The following HDAC9 variants were observed in gnomAD, a reference collection of about 807,000 sequenced individuals.
HDAC9 encodes MEF-2 interacting transcription repressor (MITR) protein.
A neutral mutation model predicts 139.4 loss-of-function variants in HDAC9; 41 were observed. The observed-to-expected ratio is 0.29, with a 90% CI of 0.23 to 0.38. The LOEUF (loss-of-function observed/expected upper bound fraction) is 0.38. HDAC9 is among the 10% of genes least tolerant of loss of function. The pLI is 1.00. For missense variants in HDAC9, 1,147 were observed against 1,297.0 expected (o/e 0.88, Z 1.78); for synonymous variants, 517 against 476.2 (o/e 1.09, Z -1.12).
At chr7:18,929,279 T>C (rs1804514221) in intron 22 of HDAC9, among the ~76,000 whole-genome samples, 1 of 152,220 alleles carries the variant, frequency 6.6e-6, no homozygotes, top group Non-Finnish European at 1.5e-5. Flanking sequence ...AATTGATAAT[T>C]TGAAACCATT....
intron 6 of HDAC9, among the ~76,000 whole-genome samples, chr7:18,595,050 C>T (rs923244082): frequency 4.6e-5 from 7 of 151,648 alleles, no homozygotes; most frequent in Non-Finnish European, 7.4e-5. Context: ...AAACACATGC[C>T]GAAGCTATTT....
intron 2 of HDAC9, among the ~76,000 whole-genome samples, chr7:18,183,033 G>A (rs1455069218): frequency 2.7e-5 from 4 of 148,284 alleles, no homozygotes; most frequent in African/African-American, 7.5e-5. Context: ...TTTTTGAGAC[G>A]GAGTCTCACT....
At chr7:18,112,807 G>A (rs866966341) in intron 1 of HDAC9, among the ~76,000 whole-genome samples, 7 of 152,192 alleles carry the variant, frequency 4.6e-5, no homozygotes, top group South Asian at 4.1e-4. Context: ...TATATGGGAT[G>A]TGAAGAAGCA....
intron 1 of HDAC9, among the ~76,000 whole-genome samples, chr7:18,121,294 A>C (rs775457787): frequency 6.6e-6 from 1 of 152,192 alleles, no homozygotes; most frequent in Non-Finnish European, 1.5e-5. Flanking sequence ...ACATTGAAAA[A>C]TATAGGCAGT....
intron 1 of HDAC9, among the ~76,000 whole-genome samples, chr7:18,097,709 A>G (rs1347382442): frequency 6.6e-6 from 1 of 152,072 alleles, no homozygotes; most frequent in Admixed American, 6.6e-5. Flanking sequence ...CTGGGACTAC[A>G]GGCATATACC....
chr7:18,637,113 G>T (rs1335118301), intron 8 of HDAC9, among the ~76,000 whole-genome samples: 1 of 151,960 alleles, frequency 6.6e-6, no homozygotes, highest in African/African-American at 2.4e-5. Flanking sequence ...GATTTTATTA[G>T]GTTCAGAAAT....
intron 1 of HDAC9, among the ~76,000 whole-genome samples, chr7:18,359,479 C>G (rs528631027): frequency 2.2e-4 from 34 of 152,318 alleles, no homozygotes; most frequent in African/African-American, 7.7e-4. Context: ...AACTCTCATT[C>G]ACATTTTCTA....
chr7:18,704,751 C>A (rs978369095), intron 12 of HDAC9, among the ~76,000 whole-genome samples: 3 of 152,160 alleles, frequency 2.0e-5, no homozygotes, highest in African/African-American at 7.2e-5. Flanking sequence ...TGCATATACA[C>A]AGACTTGATA....
At chr7:18,186,328 A>C (rs1789911533) in intron 2 of HDAC9, among the ~76,000 whole-genome samples, 2 of 152,212 alleles carry the variant, frequency 1.3e-5, no homozygotes, top group Admixed American at 6.5e-5. Flanking sequence ...GACAGTCTTG[A>C]TATTTCCCAA....
chr7:18,802,206 A>C (rs1025387773), intron 17 of HDAC9, among the ~76,000 whole-genome samples: 46 of 151,928 alleles, frequency 3.0e-4, no homozygotes, highest in Middle Eastern at 3.2e-3. Context: ...GCTGTTTTCT[A>C]TAAAGAATTC....
At chr7:18,418,875 T>C (rs1789347710) in intron 1 of HDAC9, among the ~76,000 whole-genome samples, 1 of 152,182 alleles carries the variant, frequency 6.6e-6, no homozygotes, top group East Asian at 1.9e-4. Context: ...AAACAACTGT[T>C]TGTATACGCT....
At chr7:18,429,623 A>G (rs562738903) in intron 1 of HDAC9, among the ~76,000 whole-genome samples, 1 of 152,256 alleles carries the variant, frequency 6.6e-6, no homozygotes, top group East Asian at 1.9e-4. Flanking sequence ...TGTTTGCAGT[A>G]AAAACAAAGG....
At chr7:18,889,863 C>T (rs1402941652) in intron 22 of HDAC9, among the ~76,000 whole-genome samples, 1 of 152,146 alleles carries the variant, frequency 6.6e-6, no homozygotes, top group East Asian at 1.9e-4. Flanking sequence ...ATGCCCAACT[C>T]ATTTTCCTGT....
At chr7:18,366,021 A>G (rs1207592355) in intron 1 of HDAC9, among the ~76,000 whole-genome samples, 1 of 152,014 alleles carries the variant, frequency 6.6e-6, no homozygotes, top group East Asian at 1.9e-4. Flanking sequence ...GCAACCAGGA[A>G]TCATAGATTA....
At position 18,829,197 on chromosome 7, in the gene HDAC9, G is replaced by A; in HGVS notation, c.2359G>A (p.Ala787Thr). 6.2e-7 allele frequency: 1 copy of A among 1,613,184 alleles called. No individual in the cohort carries two copies. The highest frequency in any genetic ancestry group is 8.5e-7 in the Non-Finnish European group (1 of 1,179,186). ...FAVVRPPGHH[A>T]EESTAMGFCF... ...TGTTGTGAGGCCCCCTGGCCATCAC[G>A]CTGAAGAATCCACAGCCATGTAAGT... Residue 787 changes from alanine to threonine, a missense_variant, in exon 18 of 26, where the codon GCT (alanine) becomes ACT (threonine). Physicochemically the swap from Ala to Thr is moderately conservative, Grantham distance 58. Transcript: ENST00000686413.
At chr7:18,226,638 C>A (rs1035139414) in intron 2 of HDAC9, among the ~76,000 whole-genome samples, 1 of 152,006 alleles carries the variant, frequency 6.6e-6, no homozygotes, top group East Asian at 1.9e-4. Context: ...CATAGCCTAG[C>A]CTAGGGGTTC....
intron 8 of HDAC9, among the ~76,000 whole-genome samples, chr7:18,636,495 G>T (rs1359366270): frequency 6.6e-6 from 1 of 151,916 alleles, no homozygotes; most frequent in East Asian, 1.9e-4. Context: ...TCCCCTGGAG[G>T]AATATACCTT....
chr7:18,486,638 T>A (rs1795995067), intron 1 of HDAC9, among the ~76,000 whole-genome samples: 1 of 152,112 alleles, frequency 6.6e-6, no homozygotes, highest in Admixed American at 6.6e-5. Flanking sequence ...AGTATAGAAA[T>A]GGAAATGTTT....
Position 18,996,006 on chromosome 7 carries a change from C to A in HDAC9, c.3171-17C>A. 1.3e-6 allele frequency: 2 copies of A among 1,588,372 alleles called. No individual in the cohort carries two copies. Among genetic ancestry groups the A allele is most frequent in the African/African-American group, 1.3e-5 (1 of 74,512 alleles). On this transcript the variant is annotated splice_polypyrimidine_tract_variant and intron_variant, in intron 25 of 25. Transcript: ENST00000686413. ...GTACTCTTATGCCGTATTCTGATTGCCTGTTTATTTTTACAGAACTGCTGG... is the reference window on the plus strand; with the variant it reads ...GTACTCTTATGCCGTATTCTGATTGACTGTTTATTTTTACAGAACTGCTGG...
Sources: allele counts gnomAD v4.1 joint callset (sites outside exome capture counted in the v4.1 genomes callset), GRCh38; gene constraint gnomAD v4.1.1; transcripts MANE v1.5; gene names NCBI Gene and HGNC (gene_info 2026-07-23, HGNC 2026-07-21).